Variants in ITSN1 observed in about 807,000 individuals in gnomAD.
The protein encoded by ITSN1 is intersectin 1.
In ITSN1, 58 loss-of-function variants were observed where a neutral mutation model predicts 239.8. That is an observed-to-expected ratio of 0.24 (90% confidence interval 0.20 to 0.30). The LOEUF (loss-of-function observed/expected upper bound fraction) is 0.30, where lower values mean the gene tolerates loss of function less well. Ranked by LOEUF, ITSN1 falls within the 10% of genes least tolerant of loss-of-function variation. The pLI is 1.00. For missense variants in ITSN1, 1,558 were observed against 2,103.3 expected (o/e 0.74, Z 5.07); for synonymous variants, 780 against 770.8 (o/e 1.01, Z -0.20).
At position 33,791,277 on chromosome 21, in the gene ITSN1, A is replaced by G. The variant is rs78152753; in HGVS notation, c.1825-3064A>G. 7.9e-3 allele frequency among the ~76,000 whole-genome samples: 1,208 copies of G among 152,338 alleles called. 20 individuals carry two copies. Among genetic ancestry groups the G allele is most frequent in the African/African-American group, 0.027 (1,127 of 41,578 alleles). The stretch of plus-strand genomic sequence containing the variant: ...GTTTGACTTGGATGAAGGAAATGAT[A>G]GAAAAACTTTGCCATCTTGAAATCT... On this transcript the variant is annotated intron_variant, in intron 16 of 39. Coordinates refer to ENST00000381318, the MANE Select transcript of ITSN1 (RefSeq NM_003024.3).
intron 33 of ITSN1, among the ~76,000 whole-genome samples, chr21:33,874,562 C>T (rs1170085598): frequency 3.9e-5 from 6 of 152,176 alleles, no homozygotes; most frequent in Admixed American, 2.6e-4. Context: ...GAAAATAGCA[C>T]GGAACTGGGC....
At chr21:33,782,768 G>A (rs1315233820) in intron 16 of ITSN1, among the ~76,000 whole-genome samples, 4 of 152,224 alleles carry the variant, frequency 2.6e-5, no homozygotes, top group African/African-American at 9.7e-5. Context: ...GCTCATGCCT[G>A]TAATCCCAGC....
At chr21:33,861,642 G>C (rs902908893) in intron 31 of ITSN1, among the ~76,000 whole-genome samples, 35 of 152,068 alleles carry the variant, frequency 2.3e-4, no homozygotes, top group Admixed American at 2.1e-3. Flanking sequence ...CCTCAGGACA[G>C]CTGTCAGAAA....
intron 16 of ITSN1, among the ~76,000 whole-genome samples, chr21:33,782,742 T>A (rs1470474958): frequency 6.6e-6 from 1 of 152,082 alleles, no homozygotes; most frequent in Non-Finnish European, 1.5e-5. Context: ...ATGTTAATTC[T>A]TGGCCGGGCG....
At chr21:33,723,448 C>A (rs988325908) in intron 4 of ITSN1, among the ~76,000 whole-genome samples, 149 of 152,094 alleles carry the variant, frequency 9.8e-4, no homozygotes, top group African/African-American at 3.3e-3. Context: ...CCCCATCTCT[C>A]CTAAAAATAC....
intron 27 of ITSN1, among the ~76,000 whole-genome samples, chr21:33,832,552 G>A (rs773540366): frequency 5.9e-5 from 9 of 152,184 alleles, no homozygotes; most frequent in Non-Finnish European, 1.2e-4. Flanking sequence ...GACTCTCAGC[G>A]TGGATCCACA....
chr21:33,782,219 C>G lies in ITSN1; in HGVS notation c.1824+86C>G. 2.3e-6 allele frequency: 3 copies of G among 1,301,060 alleles called. No homozygotes were observed. The South Asian group carries it at 3.9e-5, about 17-fold the overall frequency. 80.6% of individuals were successfully genotyped at this position (1,301,060 alleles called of 1,614,324 possible). ...TGATTAGTTGCTATTTAATCACAGG[C>G]AGAAAAATTTATTATGCCATTGTGA... On this transcript the variant is annotated intron_variant, in intron 16 of 39. Transcript: ENST00000381318.
At position 33,895,483 on chromosome 21, in the gene ITSN1, G is replaced by T. The variant is rs1026890836; in HGVS notation, c.*7183G>T. The stretch of plus-strand genomic sequence containing the variant: ...CGTGTGCGTGTGTGTGCATGGGTTT[G>T]CGTGCATGCATGTGTGTGCGTGCGC... On this transcript the variant is annotated 3_prime_UTR_variant, in exon 40 of 40. Coordinates refer to ENST00000381318, the MANE Select transcript of ITSN1 (RefSeq NM_003024.3). The T allele has an allele frequency of 1.3e-5, 2 of 152,120 alleles. No individual in the cohort carries two copies. Among genetic ancestry groups the T allele is most frequent in the Admixed American group, 6.6e-5 (1 of 15,224 alleles). 9.4% of individuals were successfully genotyped at this position (152,120 alleles called of 1,614,324 possible). A position where few individuals can be genotyped will look rare whatever the true frequency, so the allele number is the denominator to read the frequency against.
intron 11 of ITSN1, among the ~76,000 whole-genome samples, chr21:33,768,716 A>G (rs1256280771): frequency 6.6e-6 from 1 of 152,240 alleles, no homozygotes; most frequent in Admixed American, 6.5e-5. Context: ...GTCTTTTATG[A>G]TAAATACTTT....
At chr21:33,654,793 ATAAAG>A (rs2088891518) in intron 1 of ITSN1, among the ~76,000 whole-genome samples, 1 of 152,212 alleles carries the variant, frequency 6.6e-6, no homozygotes, top group African/African-American at 2.4e-5. Context: ...GATGGGGAGA[ATAAAG>A]TAACTGTCTA....
intron 10 of ITSN1, among the ~76,000 whole-genome samples, chr21:33,767,466 C>G (rs2068805385): frequency 6.6e-6 from 1 of 152,178 alleles, no homozygotes; most frequent in Non-Finnish European, 1.5e-5. Flanking sequence ...TAACTACTTT[C>G]ATCCTTTGGA....
At chr21:33,854,482 G>A (rs80119547) in intron 29 of ITSN1, among the ~76,000 whole-genome samples, 6,873 of 152,282 alleles carry the variant, frequency 0.045, 259 homozygotes, top group Non-Finnish European at 0.06. Flanking sequence ...TCACTCACAG[G>A]AGAGTGGGGT....
intron 27 of ITSN1, among the ~76,000 whole-genome samples, chr21:33,830,200 C>A (rs920733683): frequency 3.3e-5 from 5 of 152,146 alleles, no homozygotes; most frequent in African/African-American, 1.2e-4. Context: ...TTAATCATAT[C>A]ATCTTGTTTA....
intron 22 of ITSN1, chr21:33,817,321 TC>T (rs1489914757): frequency 1.5e-6 from 2 of 1,304,300 alleles, no homozygotes; most frequent in African/African-American, 3.0e-5. Context: ...GTGTTCCACC[TC>T]GAGGCTTTTG....
chr21:33,830,695 A>G (rs2074245146), intron 27 of ITSN1, among the ~76,000 whole-genome samples: 1 of 152,230 alleles, frequency 6.6e-6, no homozygotes, highest in Admixed American at 6.5e-5. Flanking sequence ...TTTTGGGATA[A>G]TGGACAAAAT....
At chr21:33,724,391 G>A (rs2065689461) in intron 4 of ITSN1, among the ~76,000 whole-genome samples, 1 of 152,218 alleles carries the variant, frequency 6.6e-6, no homozygotes, top group Admixed American at 6.5e-5. Flanking sequence ...GTGCAAGTGA[G>A]CACAGAAGCC....
intron 31 of ITSN1, among the ~76,000 whole-genome samples, chr21:33,862,284 A>G (rs1980761210): frequency 6.6e-6 from 1 of 150,936 alleles, no homozygotes; most frequent in African/African-American, 2.5e-5. Context: ...CTCGATGGAA[A>G]AAGAAAAGAA....
At position 33,875,416 on chromosome 21, in the gene ITSN1, G is replaced by A. The variant is rs777963225; in HGVS notation, c.4236G>A (p.Lys1412=). 63 of 1,614,010 alleles carry A rather than the reference G, an allele frequency of 3.9e-5. No homozygotes were observed. In the South Asian group the frequency reaches 6.0e-4, roughly 15 times the overall value. The part of the protein sequence containing the change: ...DHSHLKHALE[K]AEELCSQVNE... ...GCCACTTGAAGCACGCCCTGGAGAA[G>A]GCGGAAGAGCTCTGTTCCCAGGTGA... The change falls in exon 34 of 40, where the codon AAG becomes AAA. Residue 1412 remains lysine (K), a synonymous_variant. Transcript: ENST00000381318.
chr21:33,708,903 T>G (rs1474543896), intron 1 of ITSN1, among the ~76,000 whole-genome samples: 1 of 152,246 alleles, frequency 6.6e-6, no homozygotes, highest in Non-Finnish European at 1.5e-5. Context: ...CCACTTTGTT[T>G]GTTGAAAGAC....
Sources: gnomAD v4.1 joint callset for allele counts (sites outside exome capture counted in the v4.1 genomes callset) on GRCh38, gnomAD v4.1.1 for gene constraint, MANE v1.5 for transcripts, NCBI Gene and HGNC (gene_info 2026-07-23, HGNC 2026-07-21) for gene names.